The following CSMD3 variants were observed in gnomAD, a reference collection of about 807,000 sequenced individuals.
CSMD3 encodes CUB and Sushi multiple domains 3.
CSMD3 carries 177 observed loss-of-function variants against 435.2 expected under a neutral mutation model. The ratio of observed to expected loss-of-function variants is 0.41; its 90% confidence interval spans 0.36 to 0.46. The LOEUF (loss-of-function observed/expected upper bound fraction) is 0.46. CSMD3 is among the 20% of genes least tolerant of loss of function. CSMD3 has a pLI of 0.34. For synonymous variants in CSMD3, 1,656 were observed against 1,520.5 expected (o/e 1.09, Z -2.07); for missense variants, 4,265 against 4,504.6 (o/e 0.95, Z 1.52).
At chr8:113,298,841 TAAG>T (rs2132570849) in intron 2 of CSMD3, among the ~76,000 whole-genome samples, 1 of 152,130 alleles carries the variant, frequency 6.6e-6, no homozygotes, top group South Asian at 2.1e-4. Flanking sequence ...AACAGGAAGG[TAAG>T]AAGGAGCGAG....
chr8:113,119,876 A>G (rs770314958), intron 4 of CSMD3, among the ~76,000 whole-genome samples: 1 of 152,102 alleles, frequency 6.6e-6, no homozygotes, highest in African/African-American at 2.4e-5. Flanking sequence ...ATATAGAACA[A>G]TCATTATAAC....
chr8:112,738,086 T>C (rs2077224819), intron 13 of CSMD3, among the ~76,000 whole-genome samples: 1 of 151,716 alleles, frequency 6.6e-6, no homozygotes, highest in African/African-American at 2.4e-5. Context: ...TGACGTTGGT[T>C]TATAGATTAT....
intron 8 of CSMD3, among the ~76,000 whole-genome samples, chr8:112,950,424 G>A (rs2083766753): frequency 6.6e-6 from 1 of 151,836 alleles, no homozygotes; most frequent in South Asian, 2.1e-4. Flanking sequence ...AGATTATAGG[G>A]TAATGGACAA....
Position 112,336,829 on chromosome 8 carries a change from G to A in CSMD3, c.6842C>T (p.Ala2281Val), listed in dbSNP as rs2130959199. ...TGCAGTTATATTCCCACCACAAAGA[G>A]CTACGGAAAAAGTCACAAAACAAAA... ...NWNHPLPRCE[A>V]LCGGNITAMN... The change falls in exon 44 of 71, where the codon GCT becomes GTT. Residue 2281 changes from alanine to valine, a missense_variant and splice_region_variant. Transcript: ENST00000297405. 6.2e-7 allele frequency: 1 copy of A among 1,611,546 alleles called. No homozygotes were observed. The highest frequency in any genetic ancestry group is 2.2e-5 in the East Asian group (1 of 44,762).
chr8:112,448,755 T>TAAAAAAAAAAAAAAAAAAAAA (rs199998820), intron 32 of CSMD3, among the ~76,000 whole-genome samples: 1 of 127,204 alleles, frequency 7.9e-6, no homozygotes. Flanking sequence ...TACAATCTAT[T>TAAAAAAAAAAAAAAAAAAAAA]AAAAAAAAAA....
intron 5 of CSMD3, among the ~76,000 whole-genome samples, chr8:113,022,108 T>C (rs571900423): frequency 6.6e-6 from 1 of 152,244 alleles, no homozygotes; most frequent in East Asian, 1.9e-4. Flanking sequence ...ATCTCACAAA[T>C]AAATCTCTAT....
chr8:112,673,020 G>C (rs973765035), intron 16 of CSMD3, among the ~76,000 whole-genome samples: 136 of 152,052 alleles, frequency 8.9e-4, no homozygotes, highest in Non-Finnish European at 9.4e-4. Context: ...GGCTAAGCTA[G>C]GTTTTGATCA....
chr8:112,851,155 T>A lies in CSMD3; in HGVS notation c.1755+7990A>T, dbSNP rs142993006. 7.8e-3 allele frequency among the ~76,000 whole-genome samples: 1,186 copies of A among 152,264 alleles called. 14 individuals are homozygous for A. The highest frequency in any genetic ancestry group is 0.027 in the African/African-American group (1,130 of 41,548). ...TAATTACATCAGTGCTCTCAAGAGC[T>A]GATAAAAGTTACTTCCAGCATACCA... On this transcript the variant is annotated intron_variant, in intron 11 of 70. Coordinates refer to ENST00000297405, the MANE Select transcript of CSMD3 (RefSeq NM_198123.2).
chr8:112,991,896 T>C (rs2085469374), intron 6 of CSMD3, among the ~76,000 whole-genome samples: 1 of 151,854 alleles, frequency 6.6e-6, no homozygotes, highest in Non-Finnish European at 1.5e-5. Context: ...ACACCACCTC[T>C]TAGATGAGCT....
intron 16 of CSMD3, among the ~76,000 whole-genome samples, chr8:112,675,214 G>A (rs547698621): frequency 5.8e-4 from 89 of 152,178 alleles, no homozygotes; most frequent in African/African-American, 2.1e-3. Context: ...CTTGTCAGGA[G>A]GGCTGCAAAT....
intron 4 of CSMD3, among the ~76,000 whole-genome samples, chr8:113,143,685 A>G (rs1378443914): frequency 6.6e-6 from 1 of 151,462 alleles, no homozygotes; most frequent in Non-Finnish European, 1.5e-5. Context: ...ATGCTGAGTA[A>G]AAAATGTCAA....
chr8:112,857,314 A>G (rs2080689811), intron 11 of CSMD3, among the ~76,000 whole-genome samples: 1 of 151,842 alleles, frequency 6.6e-6, no homozygotes, highest in Non-Finnish European at 1.5e-5. Context: ...GTTGGAGAAA[A>G]AGGAGAAATA....
At chr8:112,473,406 C>T (rs932712498) in intron 31 of CSMD3, among the ~76,000 whole-genome samples, 9 of 151,954 alleles carry the variant, frequency 5.9e-5, no homozygotes, top group African/African-American at 1.9e-4. Flanking sequence ...GATTTAGTAC[C>T]GAAAGCATAC....
At chr8:113,289,953 A>G (rs1290318418) in intron 2 of CSMD3, among the ~76,000 whole-genome samples, 1 of 151,760 alleles carries the variant, frequency 6.6e-6, no homozygotes, top group Non-Finnish European at 1.5e-5. Context: ...TTAGCAAAAC[A>G]TGAAATTTAC....
At chr8:113,399,803 A>T (rs1298032930) in intron 1 of CSMD3, among the ~76,000 whole-genome samples, 2 of 151,972 alleles carry the variant, frequency 1.3e-5, no homozygotes, top group Non-Finnish European at 2.9e-5. Flanking sequence ...AAAGGTTTGC[A>T]TTGAATGGTA....
chr8:112,884,636 G>C (rs2130249959), intron 10 of CSMD3, among the ~76,000 whole-genome samples: 1 of 150,336 alleles, frequency 6.7e-6, no homozygotes. Flanking sequence ...TCAGAATCCA[G>C]CCCCTTTCCC....
chr8:112,493,272 T>A (rs978728295), intron 30 of CSMD3, among the ~76,000 whole-genome samples: 1 of 152,128 alleles, frequency 6.6e-6, no homozygotes, highest in Non-Finnish European at 1.5e-5. Flanking sequence ...TTATTATAAA[T>A]ATTATGTGCT....
At chr8:113,242,946 C>A (rs958397168) in intron 3 of CSMD3, among the ~76,000 whole-genome samples, 9 of 151,644 alleles carry the variant, frequency 5.9e-5, no homozygotes, top group Non-Finnish European at 8.8e-5. Flanking sequence ...AAAAAAGTGC[C>A]AGGAATTTTC....
intron 13 of CSMD3, among the ~76,000 whole-genome samples, chr8:112,777,619 C>G (rs1430881543): frequency 6.6e-6 from 1 of 151,688 alleles, no homozygotes; most frequent in East Asian, 1.9e-4. Flanking sequence ...TTGAAAATGC[C>G]ATGACTTGGT....
Sources: allele counts gnomAD v4.1 joint callset (sites outside exome capture counted in the v4.1 genomes callset), GRCh38; gene constraint gnomAD v4.1.1; transcripts MANE v1.5; gene names NCBI Gene and HGNC (gene_info 2026-07-23, HGNC 2026-07-21).